ENOX1: variants seen among roughly 807,000 people sequenced by gnomAD.
ENOX1 encodes candidate growth-related and time keeping constitutive hydroquinone (NADH) oxidase.
ENOX1 carries 42 observed loss-of-function variants against 82.5 expected under a neutral mutation model. The observed-to-expected ratio is 0.51, with a 90% CI of 0.40 to 0.66. The LOEUF (loss-of-function observed/expected upper bound fraction) is 0.66, where lower values mean the gene tolerates loss of function less well. Ranked by LOEUF, ENOX1 falls within the 30% of genes least tolerant of loss-of-function variation. ENOX1 has a pLI of 0.00. For missense variants in ENOX1, 608 were observed against 811.6 expected (o/e 0.75, Z 3.05); for synonymous variants, 271 against 282.2 (o/e 0.96, Z 0.40).
At chr13:43,665,099 A>G (rs539351392) in intron 2 of ENOX1, among the ~76,000 whole-genome samples, 3 of 152,310 alleles carry the variant, frequency 2.0e-5, no homozygotes, top group South Asian at 2.1e-4. Flanking sequence ...TGCTTACAGC[A>G]GCTCCACACA....
At chr13:43,268,138 C>T (rs901683529) in intron 13 of ENOX1, among the ~76,000 whole-genome samples, 5 of 152,088 alleles carry the variant, frequency 3.3e-5, no homozygotes, top group African/African-American at 1.2e-4. Flanking sequence ...GAGAAATTCA[C>T]CCCTCCCCAC....
At chr13:43,319,130 T>C (rs907355805) in intron 11 of ENOX1, among the ~76,000 whole-genome samples, 10 of 152,216 alleles carry the variant, frequency 6.6e-5, no homozygotes, top group Non-Finnish European at 1.2e-4. Context: ...ACAATAAATT[T>C]GAATTTTTAT....
intron 11 of ENOX1, among the ~76,000 whole-genome samples, chr13:43,301,150 C>T (rs566705100): frequency 7.2e-4 from 109 of 152,332 alleles, no homozygotes; most frequent in African/African-American, 2.5e-3. Context: ...ACACTTAAGT[C>T]ATTTCCTTAG....
chr13:43,256,123 CCT>C (rs1204365950), intron 14 of ENOX1, among the ~76,000 whole-genome samples: 1 of 152,020 alleles, frequency 6.6e-6, no homozygotes, highest in Non-Finnish European at 1.5e-5. Context: ...AAACTAGACC[CCT>C]CTCTCTCACC....
chr13:43,567,712 T>C (rs1417446214), intron 2 of ENOX1, among the ~76,000 whole-genome samples: 1 of 152,200 alleles, frequency 6.6e-6, no homozygotes, highest in African/African-American at 2.4e-5. Context: ...ATGTCTACTC[T>C]GTTCCCACAG....
intron 2 of ENOX1, among the ~76,000 whole-genome samples, chr13:43,505,290 T>C (rs188118420): frequency 8.4e-4 from 128 of 151,966 alleles, no homozygotes; most frequent in Admixed American, 2.8e-3. Context: ...GATGATAGAA[T>C]TGAACAGGAC....
chr13:43,739,799 G>A (rs976167914), intron 1 of ENOX1, among the ~76,000 whole-genome samples: 1 of 151,744 alleles, frequency 6.6e-6, no homozygotes, highest in Non-Finnish European at 1.5e-5. Context: ...AACTGCACGG[G>A]TCCACTTAAA....
intron 3 of ENOX1, among the ~76,000 whole-genome samples, chr13:43,447,166 G>A (rs901632157): frequency 5.9e-5 from 9 of 152,192 alleles, no homozygotes; most frequent in Non-Finnish European, 8.8e-5. Flanking sequence ...TGCAAATGTT[G>A]AGGATATGAC....
intron 1 of ENOX1, among the ~76,000 whole-genome samples, chr13:43,705,326 C>CTA (rs201089545): frequency 0.017 from 643 of 36,832 alleles, 4 homozygotes; most frequent in African/African-American, 0.037. Flanking sequence ...CTCTCTCTCT[C>CTA]TCTCTATATA....
intron 2 of ENOX1, among the ~76,000 whole-genome samples, chr13:43,632,231 T>C (rs1326510248): frequency 2.6e-5 from 4 of 152,132 alleles, no homozygotes; most frequent in Non-Finnish European, 4.4e-5. Context: ...ATCTCATAGA[T>C]GGTGAATTTT....
chr13:43,466,777 AC>A (rs2057745186), intron 3 of ENOX1, among the ~76,000 whole-genome samples: 1 of 152,144 alleles, frequency 6.6e-6, no homozygotes, highest in South Asian at 2.1e-4. Flanking sequence ...GAAGTCTTGT[AC>A]CCATTAACAG....
At chr13:43,334,716 G>C (rs2048601227) in intron 9 of ENOX1, among the ~76,000 whole-genome samples, 1 of 152,126 alleles carries the variant, frequency 6.6e-6, no homozygotes, top group Non-Finnish European at 1.5e-5. Context: ...AAGAATCAAA[G>C]TGTCTGGAAA....
At chr13:43,697,027 T>G (rs2086673961) in intron 1 of ENOX1, among the ~76,000 whole-genome samples, 1 of 152,002 alleles carries the variant, frequency 6.6e-6, no homozygotes, top group African/African-American at 2.4e-5. Context: ...CAATTAACAT[T>G]GAATATGAAA....
At chr13:43,541,730 G>A (rs371243418) in intron 2 of ENOX1, among the ~76,000 whole-genome samples, 2 of 152,060 alleles carry the variant, frequency 1.3e-5, no homozygotes, top group African/African-American at 4.8e-5. Flanking sequence ...CACAATACTC[G>A]AGTACCGCTG....
At chr13:43,221,816 T>C (rs766745469) in intron 16 of ENOX1, among the ~76,000 whole-genome samples, 4 of 152,086 alleles carry the variant, frequency 2.6e-5, no homozygotes, top group Admixed American at 1.3e-4. Context: ...ACCACAACAG[T>C]GACATTACAG....
chr13:43,668,289 T>C (rs552723128), intron 1 of ENOX1, among the ~76,000 whole-genome samples: 1 of 152,292 alleles, frequency 6.6e-6, no homozygotes, highest in South Asian at 2.1e-4. Flanking sequence ...CATTAAAGTC[T>C]GAGAAGCATG....
chr13:43,453,346 TC>T (rs1335481186), intron 3 of ENOX1, among the ~76,000 whole-genome samples: 4 of 152,180 alleles, frequency 2.6e-5, no homozygotes, highest in Admixed American at 6.5e-5. Context: ...GTGCACACTC[TC>T]CGTGCTTAGG....
At chr13:43,677,059 G>A (rs910047749) in intron 1 of ENOX1, among the ~76,000 whole-genome samples, 10 of 150,764 alleles carry the variant, frequency 6.6e-5, no homozygotes, top group African/African-American at 2.4e-4. Flanking sequence ...TTATCTCTCT[G>A]TCCAATCTGC....
intron 15 of ENOX1, among the ~76,000 whole-genome samples, chr13:43,232,911 T>C (rs979430762): frequency 4.6e-5 from 7 of 152,212 alleles, no homozygotes; most frequent in Non-Finnish European, 8.8e-5. Context: ...CAGAGAGTTA[T>C]ACTCTCAGCT....
Sources: allele counts gnomAD v4.1 joint callset (sites outside exome capture counted in the v4.1 genomes callset), GRCh38; gene constraint gnomAD v4.1.1; transcripts MANE v1.5; gene names NCBI Gene and HGNC (gene_info 2026-07-23, HGNC 2026-07-21).